RSU1: variants seen among roughly 807,000 people sequenced by gnomAD.
RSU1 encodes the protein rsu-1.
A neutral mutation model predicts 31.1 loss-of-function variants in RSU1; 26 were observed. The observed-to-expected ratio is 0.84, with a 90% CI of 0.61 to 1.16. The LOEUF (loss-of-function observed/expected upper bound fraction) is 1.16. Among genes scored for constraint, RSU1 ranks in the 50% most tolerant of loss-of-function variants. RSU1 has a pLI of 0.00. For synonymous variants in RSU1, 164 were observed against 136.3 expected (o/e 1.20, Z -1.41); for missense variants, 320 against 339.1 (o/e 0.94, Z 0.44).
chr10:16,801,761 A>G (rs978271886), intron 2 of RSU1, among the ~76,000 whole-genome samples: 1 of 152,180 alleles, frequency 6.6e-6, no homozygotes, highest in African/African-American at 2.4e-5. Flanking sequence ...ACATCTGGAC[A>G]TTAACAACAT....
At chr10:16,597,746 C>A (rs1833644022) in intron 8 of RSU1, among the ~76,000 whole-genome samples, 1 of 152,220 alleles carries the variant, frequency 6.6e-6, no homozygotes, top group African/African-American at 2.4e-5. Flanking sequence ...TCTATCAACA[C>A]TAAATCCCCA....
At chr10:16,816,011 G>T (rs935163126) in intron 2 of RSU1, among the ~76,000 whole-genome samples, 2 of 152,194 alleles carry the variant, frequency 1.3e-5, no homozygotes, top group African/African-American at 4.8e-5. Flanking sequence ...ATCACGCCAA[G>T]AAACCTGGAG....
intron 7 of RSU1, among the ~76,000 whole-genome samples, chr10:16,742,070 T>C (rs544184621): frequency 1.3e-5 from 2 of 152,304 alleles, no homozygotes; most frequent in South Asian, 2.1e-4. Context: ...GAAGAGCCGA[T>C]ATTTTTAAAA....
At chr10:16,682,665 T>C (rs564809328) in intron 8 of RSU1, among the ~76,000 whole-genome samples, 37 of 152,052 alleles carry the variant, frequency 2.4e-4, no homozygotes, top group African/African-American at 8.0e-4. Flanking sequence ...TTCACCACTT[T>C]ACTTTCTTAA....
chr10:16,654,424 C>A (rs1157132659), intron 8 of RSU1, among the ~76,000 whole-genome samples: 1 of 147,296 alleles, frequency 6.8e-6, no homozygotes, highest in Non-Finnish European at 1.5e-5. Context: ...AATCCCAGCA[C>A]TTTGGGAGGC....
At chr10:16,685,677 G>A (rs1200694090) in intron 8 of RSU1, among the ~76,000 whole-genome samples, 1 of 152,106 alleles carries the variant, frequency 6.6e-6, no homozygotes, top group African/African-American at 2.4e-5. Context: ...ACTGCAACCT[G>A]TTTTATCAGC....
At chr10:16,650,779 C>T (rs1334965164) in intron 8 of RSU1, among the ~76,000 whole-genome samples, 3 of 151,896 alleles carry the variant, frequency 2.0e-5, no homozygotes, top group African/African-American at 7.3e-5. Context: ...GATGAGGTTT[C>T]ACCGTGTTAA....
chr10:16,770,293 G>A (rs1837397733), intron 3 of RSU1, among the ~76,000 whole-genome samples: 1 of 152,056 alleles, frequency 6.6e-6, no homozygotes, highest in Non-Finnish European at 1.5e-5. Context: ...GCCCACGGGA[G>A]GGTCAGGGGG....
Position 16,755,084 on chromosome 10 carries a change from G to C in RSU1, c.282-95C>G, listed in dbSNP as rs186364583. On this transcript the variant is annotated intron_variant, in intron 4 of 8. Coordinates refer to ENST00000345264, the MANE Select transcript of RSU1 (RefSeq NM_012425.4). ...TCTGTTTCAGACGCTGAAAGTGTAA[G>C]ACAGTGCCATGATCCTAGAGTCACT... 6.1e-5 allele frequency: 42 copies of C among 691,952 alleles called. No individual in the cohort carries two copies. The African/African-American group carries it at 7.3e-4, about 12-fold the overall frequency. The allele number at this position is 691,952 out of a possible 1,614,324, so 42.9% of individuals were successfully genotyped here. A position where few individuals can be genotyped will look rare whatever the true frequency, so the allele number is the denominator to read the frequency against.
At chr10:16,651,025 G>C (rs959379439) in intron 8 of RSU1, among the ~76,000 whole-genome samples, 3 of 152,072 alleles carry the variant, frequency 2.0e-5, no homozygotes, top group African/African-American at 7.2e-5. Context: ...TGATTTACTT[G>C]AATCATCTTT....
At chr10:16,791,651 A>G (rs1837918283) in intron 2 of RSU1, among the ~76,000 whole-genome samples, 1 of 151,426 alleles carries the variant, frequency 6.6e-6, no homozygotes, top group African/African-American at 2.4e-5. Context: ...AAAAAAAAAA[A>G]GAAAAATCGA....
chr10:16,632,752 A>C (rs1277882236), intron 8 of RSU1, among the ~76,000 whole-genome samples: 1 of 152,198 alleles, frequency 6.6e-6, no homozygotes, highest in African/African-American at 2.4e-5. Context: ...CAGACTGAGC[A>C]ACATGGCAAA....
At chr10:16,772,641 G>GAAAAAAAAAAAAAAAAAAAAAAAA (rs60460081) in intron 3 of RSU1, among the ~76,000 whole-genome samples, 4 of 64,770 alleles carry the variant, frequency 6.2e-5, no homozygotes, top group African/African-American at 1.7e-4. Flanking sequence ...AGTAGAATAT[G>GAAAAAAAAAAAAAAAAAAAAAAAA]AAAAAAAAAA....
At chr10:16,682,535 T>TACACACACATACAC (rs1554766234) in intron 8 of RSU1, among the ~76,000 whole-genome samples, 11 of 26,478 alleles carry the variant, frequency 4.2e-4, no homozygotes, top group African/African-American at 1.7e-3. Context: ...AAATCATTCA[T>TACACACACATACAC]ACACACACAC....
intron 2 of RSU1, among the ~76,000 whole-genome samples, chr10:16,806,146 T>C (rs1838263007): frequency 6.6e-6 from 1 of 152,234 alleles, no homozygotes; most frequent in Non-Finnish European, 1.5e-5. Flanking sequence ...TTTGGGAAGA[T>C]GAAGGTTCCT....
At chr10:16,705,652 C>A (rs1364675066) in intron 7 of RSU1, among the ~76,000 whole-genome samples, 1 of 152,042 alleles carries the variant, frequency 6.6e-6, no homozygotes, top group African/African-American at 2.4e-5. Context: ...CCACACTCAG[C>A]TAATTTTTGT....
intron 8 of RSU1, among the ~76,000 whole-genome samples, chr10:16,606,819 T>C (rs1356747847): frequency 6.6e-6 from 1 of 152,200 alleles, no homozygotes; most frequent in Non-Finnish European, 1.5e-5. Flanking sequence ...GGACAAACGG[T>C]AGAAGCATAC....
At chr10:16,713,948 A>C (rs1393407667) in intron 7 of RSU1, among the ~76,000 whole-genome samples, 2 of 152,170 alleles carry the variant, frequency 1.3e-5, no homozygotes, top group South Asian at 2.1e-4. Context: ...TTTCAGCTGC[A>C]ATCTTCATCA....
intron 2 of RSU1, among the ~76,000 whole-genome samples, chr10:16,786,309 A>T (rs970057060): frequency 6.6e-6 from 1 of 152,198 alleles, no homozygotes; most frequent in African/African-American, 2.4e-5. Flanking sequence ...AGTGATGGTT[A>T]AATTGCCCCT....
Sources: allele counts gnomAD v4.1 joint callset (sites outside exome capture counted in the v4.1 genomes callset), GRCh38; gene constraint gnomAD v4.1.1; transcripts MANE v1.5; gene names NCBI Gene and HGNC (gene_info 2026-07-23, HGNC 2026-07-21).